Variants in RNF144A observed in about 807,000 individuals in gnomAD.
RNF144A encodes ring finger protein 144A, also known as E3 ubiquitin-protein ligase RNF144A.
A neutral mutation model predicts 38.7 loss-of-function variants in RNF144A; 11 were observed. That is an observed-to-expected ratio of 0.28 (90% CI 0.18 to 0.47). The LOEUF (loss-of-function observed/expected upper bound fraction) is 0.47, where lower values mean the gene tolerates loss of function less well. Among genes scored for constraint, RNF144A ranks in the 20% least tolerant of loss-of-function variants. RNF144A has a pLI of 0.99. For missense variants in RNF144A, 316 were observed against 377.2 expected, an observed-to-expected ratio of 0.84 and a Z score of 1.34; for synonymous variants, 149 against 143.9, an observed-to-expected ratio of 1.04 and a Z score of -0.25.
At chr2:7,070,454 G>T (rs543037532), downstream of RNF144A, among the ~76,000 whole-genome samples, 1 of 152,292 alleles carries the variant, frequency 6.6e-6, no homozygotes, top group East Asian at 1.9e-4. Flanking sequence ...CTTTGAAGAG[G>T]CTAGCTTTCT....
At chr2:6,936,313 A>T (rs1408794349) in intron 1 of RNF144A, among the ~76,000 whole-genome samples, 1 of 152,214 alleles carries the variant, frequency 6.6e-6, no homozygotes, top group East Asian at 1.9e-4. Flanking sequence ...ACACACACCC[A>T]CACACATATA....
chr2:6,959,785 C>G (rs1285084515), intron 2 of RNF144A, among the ~76,000 whole-genome samples: 1 of 151,824 alleles, frequency 6.6e-6, no homozygotes, highest in Non-Finnish European at 1.5e-5. Context: ...TCTTAAAGAT[C>G]ACCACCCCCC....
At chr2:7,006,606 C>A (rs988237984) in intron 3 of RNF144A, among the ~76,000 whole-genome samples, 1 of 152,138 alleles carries the variant, frequency 6.6e-6, no homozygotes, top group South Asian at 2.1e-4. Flanking sequence ...GGTACCCCAA[C>A]CCCGAGCCCC....
chr2:6,924,989 T>C (rs907791492), intron 1 of RNF144A, among the ~76,000 whole-genome samples: 4 of 152,122 alleles, frequency 2.6e-5, no homozygotes, highest in Middle Eastern at 3.2e-3. Flanking sequence ...GGATGGAGAA[T>C]GTCAGGAAGC....
At chr2:7,004,460 C>G (rs907367215) in intron 3 of RNF144A, among the ~76,000 whole-genome samples, 1 of 152,186 alleles carries the variant, frequency 6.6e-6, no homozygotes, top group African/African-American at 2.4e-5. Context: ...TGGCCCGACT[C>G]TAGGATCCAG....
chr2:7,037,062 G>A (rs747170793), intron 8 of RNF144A, among the ~76,000 whole-genome samples: 2 of 152,162 alleles, frequency 1.3e-5, no homozygotes, highest in Non-Finnish European at 2.9e-5. Context: ...GATTCTCTCT[G>A]GAGCCTGAAA....
intron 2 of RNF144A, among the ~76,000 whole-genome samples, chr2:6,972,699 C>A (rs898470767): frequency 2.6e-5 from 4 of 152,170 alleles, no homozygotes; most frequent in Non-Finnish European, 5.9e-5. Flanking sequence ...TTGTGTTCCA[C>A]CCTGGGGGTG....
intron 3 of RNF144A, among the ~76,000 whole-genome samples, chr2:7,005,902 T>C (rs1055479575): frequency 6.7e-6 from 1 of 150,006 alleles, no homozygotes; most frequent in Non-Finnish European, 1.5e-5. Context: ...ACCTGCTCCT[T>C]GCATATCTGC....
chr2:7,041,175 A>T lies in RNF144A; in HGVS notation c.*1415A>T. On this transcript the variant is annotated 3_prime_UTR_variant, in exon 9 of 9. Transcript: ENST00000320892. The stretch of plus-strand genomic sequence containing the variant: ...TGGGATTTTAAAAATCTTGTTAAAC[A>T]TTCTATAAAGAAGTAAAACAAAATC... The T allele has an allele frequency of 5.1e-6, 5 of 982,108 alleles. No homozygotes were observed. Among genetic ancestry groups the T allele is most frequent in the Non-Finnish European group, 6.0e-6 (5 of 826,912 alleles). 60.8% of individuals were successfully genotyped at this position (982,108 alleles called of 1,614,324 possible).
chr2:6,965,013 C>T (rs920951171), intron 2 of RNF144A, among the ~76,000 whole-genome samples: 1 of 152,102 alleles, frequency 6.6e-6, no homozygotes. Flanking sequence ...TTGCACTCAA[C>T]ACAGTAGCAA....
chr2:7,066,883 C>T (rs1280764253), intron 6 of RNF144A, among the ~76,000 whole-genome samples: 1 of 152,146 alleles, frequency 6.6e-6, no homozygotes, highest in African/African-American at 2.4e-5. Context: ...AAGTCCTTGG[C>T]TTCGCTTTCT....
chr2:6,986,860 A>C (rs1177712383), intron 2 of RNF144A, among the ~76,000 whole-genome samples: 1 of 152,120 alleles, frequency 6.6e-6, no homozygotes, highest in East Asian at 1.9e-4. Context: ...TGAGGGAATT[A>C]TCTCTAAAAA....
At chr2:7,049,138 C>CT (rs1673421358), downstream of RNF144A, among the ~76,000 whole-genome samples, 1 of 152,168 alleles carries the variant, frequency 6.6e-6, no homozygotes, top group Non-Finnish European at 1.5e-5. Context: ...AGGTATCCCT[C>CT]TGAGTTGAGG....
chr2:7,019,370 T>C (rs1000499620), intron 5 of RNF144A, among the ~76,000 whole-genome samples: 1 of 152,258 alleles, frequency 6.6e-6, no homozygotes, highest in Non-Finnish European at 1.5e-5. Context: ...GCCAGCATGT[T>C]GTGGATTCCA....
intron 1 of RNF144A, among the ~76,000 whole-genome samples, chr2:6,929,099 AT>A (rs1344645310): frequency 6.6e-6 from 1 of 152,240 alleles, no homozygotes; most frequent in East Asian, 1.9e-4. Flanking sequence ...ATTAAAAAAA[AT>A]AACAGAATTG....
chr2:6,938,306 A>G (rs1343432791), intron 1 of RNF144A, among the ~76,000 whole-genome samples: 2 of 136,680 alleles, frequency 1.5e-5, no homozygotes, highest in Non-Finnish European at 3.0e-5. Context: ...GGAGTGCAAC[A>G]GCGTGATCTT....
At chr2:7,026,540 T>G (rs1037070192) in intron 7 of RNF144A, among the ~76,000 whole-genome samples, 1 of 151,514 alleles carries the variant, frequency 6.6e-6, no homozygotes, top group African/African-American at 2.4e-5. Flanking sequence ...AATTATGATA[T>G]AATATCTAAT....
intron 2 of RNF144A, among the ~76,000 whole-genome samples, chr2:6,954,783 G>GT (rs1666896399): frequency 6.6e-6 from 1 of 152,220 alleles, no homozygotes; most frequent in Admixed American, 6.5e-5. Flanking sequence ...TTACGTGCGT[G>GT]TAAGTCCAGG....
At chr2:6,940,416 G>A (rs934020546) in intron 1 of RNF144A, among the ~76,000 whole-genome samples, 4 of 152,080 alleles carry the variant, frequency 2.6e-5, no homozygotes, top group Non-Finnish European at 2.9e-5. Context: ...ACCATTTAGC[G>A]TAATTACTGA....
Sources: gnomAD v4.1 joint callset for allele counts (sites outside exome capture counted in the v4.1 genomes callset) on GRCh38, gnomAD v4.1.1 for gene constraint, MANE v1.5 for transcripts, NCBI Gene and HGNC (gene_info 2026-07-23, HGNC 2026-07-21) for gene names.